Variants in APBA1 observed in about 807,000 individuals in gnomAD.
APBA1 encodes amyloid beta precursor protein binding family A member 1.
APBA1 carries 55 observed loss-of-function variants against 86.6 expected under a neutral mutation model. That is an observed-to-expected ratio of 0.64 (90% CI 0.51 to 0.80). The LOEUF (loss-of-function observed/expected upper bound fraction) is 0.80, where lower values mean the gene tolerates loss of function less well. APBA1 is among the 30% of genes least tolerant of loss of function. The pLI, the probability that APBA1 is intolerant of heterozygous loss-of-function variation, is 0.00. For missense variants in APBA1, 1,090 were observed against 1,183.0 expected (o/e 0.92, Z 1.15); for synonymous variants, 511 against 493.9 (o/e 1.03, Z -0.46).
chr9:69,662,232 G>A (rs1246493016), intron 1 of APBA1, among the ~76,000 whole-genome samples: 1 of 152,188 alleles, frequency 6.6e-6, no homozygotes, highest in Non-Finnish European at 1.5e-5. Flanking sequence ...TGTAGCCACT[G>A]AGGAACCTCT....
chr9:69,436,402 T>C (rs944375339), intron 11 of APBA1, among the ~76,000 whole-genome samples: 2 of 151,984 alleles, frequency 1.3e-5, no homozygotes, highest in Non-Finnish European at 2.9e-5. Flanking sequence ...TGATTCTTCC[T>C]ACCCATGAGC....
intron 1 of APBA1, among the ~76,000 whole-genome samples, chr9:69,549,105 G>C (rs542815542): frequency 1.3e-5 from 2 of 152,324 alleles, no homozygotes; most frequent in Admixed American, 6.5e-5. Context: ...AGCAAGCCAG[G>C]TAGAAGAAAA....
At chr9:69,515,471 T>A (rs1198711862) in intron 2 of APBA1, among the ~76,000 whole-genome samples, 1 of 152,012 alleles carries the variant, frequency 6.6e-6, no homozygotes, top group Non-Finnish European at 1.5e-5. Context: ...ATAAAACAAC[T>A]TCCCCCTTGT....
At chr9:69,484,998 T>C (rs780433183) in intron 2 of APBA1, among the ~76,000 whole-genome samples, 1 of 150,838 alleles carries the variant, frequency 6.6e-6, no homozygotes, top group Non-Finnish European at 1.5e-5. Context: ...TTTTTTTTTG[T>C]AGAGACAGGG....
At chr9:69,538,246 T>C (rs910241702) in intron 1 of APBA1, among the ~76,000 whole-genome samples, 9 of 152,256 alleles carry the variant, frequency 5.9e-5, no homozygotes, top group African/African-American at 2.2e-4. Context: ...CACTTCAAAA[T>C]GATTTTAATC....
At chr9:69,658,232 C>CTT (rs1380767629) in intron 1 of APBA1, among the ~76,000 whole-genome samples, 8 of 15,760 alleles carry the variant, frequency 5.1e-4, no homozygotes, top group Middle Eastern at 0.028. Flanking sequence ...CTCTTTCTTT[C>CTT]TTTCTTTCTT....
rs894226939 is a variant in APBA1 at position 69,458,255 on chromosome 9, A to G, written c.1483-67T>C. ...AAGAATGTGTAGAGACTCAAAGTCA[A>G]AAAGGGAATTGACAAACTAATACTG... On this transcript the variant is annotated intron_variant, in intron 5 of 12. Transcript: ENST00000265381. The G allele has an allele frequency of 6.1e-6, 9 of 1,474,416 alleles. No individual in the cohort carries two copies. The African/African-American group carries it at 1.1e-4, about 19-fold the overall frequency. 91.3% of individuals were successfully genotyped at this position (1,474,416 alleles called of 1,614,324 possible). A position where few individuals can be genotyped will look rare whatever the true frequency, so the allele number is the denominator to read the frequency against.
intron 1 of APBA1, among the ~76,000 whole-genome samples, chr9:69,668,714 T>A (rs934399271): frequency 1.3e-5 from 2 of 152,154 alleles, no homozygotes; most frequent in Non-Finnish European, 2.9e-5. Flanking sequence ...CCTCATTACA[T>A]CTCTTGGCAT....
chr9:69,458,431 G>A (rs964847726), intron 5 of APBA1, among the ~76,000 whole-genome samples: 1 of 152,178 alleles, frequency 6.6e-6, no homozygotes, highest in Non-Finnish European at 1.5e-5. Context: ...ATACTTAATT[G>A]CAAGTGATCT....
chr9:69,541,638 CTAAAT>C (rs1836615964), intron 1 of APBA1, among the ~76,000 whole-genome samples: 1 of 148,940 alleles, frequency 6.7e-6, no homozygotes, highest in South Asian at 2.1e-4. Flanking sequence ...TTTAAAAGAA[CTAAAT>C]TAAATTAATG....
chr9:69,468,110 GT>G, intron 4 of APBA1, 142 bp from the exon 5 acceptor site: 1 of 946,130 alleles, frequency 1.1e-6, no homozygotes, highest in South Asian at 1.7e-5. Flanking sequence ...GCATCTCTCT[GT>G]GTCTATCTGC....
At chr9:69,643,019 A>AAC (rs369247145) in intron 1 of APBA1, among the ~76,000 whole-genome samples, 1,891 of 141,548 alleles carry the variant, frequency 0.013, 16 homozygotes, top group Non-Finnish European at 0.017. Context: ...CCCCGCCACA[A>AAC]ACACACACAC....
chr9:69,617,606 G>A (rs1408517939), intron 1 of APBA1, among the ~76,000 whole-genome samples: 1 of 151,966 alleles, frequency 6.6e-6, no homozygotes, highest in African/African-American at 2.4e-5. Context: ...TGTAGGCTTA[G>A]GAAATTGTTG....
chr9:69,431,984 G>C (rs1834607172), intron 12 of APBA1, among the ~76,000 whole-genome samples: 1 of 151,990 alleles, frequency 6.6e-6, no homozygotes, highest in South Asian at 2.1e-4. Context: ...AGTGATAAAT[G>C]AATGACAGCA....
intron 2 of APBA1, among the ~76,000 whole-genome samples, chr9:69,502,415 G>GTT (rs201783168): frequency 6.7e-6 from 1 of 150,272 alleles, no homozygotes; most frequent in Non-Finnish European, 1.5e-5. Flanking sequence ...ATCTCTTTTT[G>GTT]TTTTTTTTTC....
rs953482604 is a variant in APBA1 at position 69,516,681 on chromosome 9, C to T, written c.530G>A (p.Arg177His). 7 of 1,610,170 alleles carry T rather than the reference C, an allele frequency of 4.3e-6. No individual in the cohort carries two copies. The highest frequency in any genetic ancestry group is 5.1e-6 in the Non-Finnish European group (6 of 1,178,992). Residue 177 changes from arginine to histidine, a missense_variant, in exon 2 of 13, where the codon CGC (arginine) becomes CAC (histidine). By Grantham distance (29) the Arg-to-His change is conservative. Coordinates refer to ENST00000265381, the MANE Select transcript of APBA1 (RefSeq NM_001163.4). The surrounding 1 kb of genome is among the most constrained non-coding windows in gnomAD (Gnocchi z 7.3). The stretch of plus-strand genomic sequence containing the variant: ...CTCGGAGTAGGGCTCGTCCTCACCG[C>T]GGTGGAAGAGCCGGTGCGTGTAGAC... The part of the protein sequence containing the change: ...GYVYTHRLFH[R>H]GEDEPYSEPY...
rs748344303 is a variant in APBA1 at position 69,457,036 on chromosome 9, T to G, written c.1602+17A>C. On this transcript the variant is annotated intron_variant, in intron 7 of 12. Transcript: ENST00000265381. Reference sequence around the variant, plus strand: ...TCACTAAGCTTCACCCTGGGAAAGGTGGAAGCCAGCTGATACCTGTGTGTC... The same window carrying G: ...TCACTAAGCTTCACCCTGGGAAAGGGGGAAGCCAGCTGATACCTGTGTGTC... 6.2e-7 allele frequency: 1 copy of G among 1,609,020 alleles called. No individual in the cohort carries two copies. Among genetic ancestry groups the G allele is most frequent in the Non-Finnish European group, 8.5e-7 (1 of 1,175,380 alleles).
intron 7 of APBA1, 78 bp downstream of exon 7, chr9:69,456,975 C>G (rs891371728): frequency 3.1e-5 from 38 of 1,241,882 alleles, no homozygotes; most frequent in Non-Finnish European, 4.3e-5. Flanking sequence ...AGACACATGC[C>G]TGCTCTACAG....
intron 1 of APBA1, among the ~76,000 whole-genome samples, chr9:69,589,355 CA>C (rs1191658420): frequency 6.6e-6 from 1 of 152,108 alleles, no homozygotes; most frequent in African/African-American, 2.4e-5. Context: ...GGGAAAAGAC[CA>C]AATGACGTGA....
Sources: allele counts gnomAD v4.1 joint callset (sites outside exome capture counted in the v4.1 genomes callset), GRCh38; gene constraint gnomAD v4.1.1; non-coding constraint Gnocchi (gnomAD v3.1); transcripts MANE v1.5; gene names NCBI Gene and HGNC (gene_info 2026-07-23, HGNC 2026-07-21).